The following WDR25 variants were observed in gnomAD, a reference collection of about 807,000 sequenced individuals.
The protein encoded by WDR25 is WD repeat domain 25, also known as WD repeat-containing protein 25.
Under a neutral mutation model 47.7 loss-of-function variants are expected in WDR25, and 35 were observed. The ratio of observed to expected loss-of-function variants is 0.73; its 90% confidence interval spans 0.56 to 0.97. The LOEUF is 0.97. Among genes scored for constraint, WDR25 ranks in the 50% least tolerant of loss-of-function variants. WDR25 has a pLI of 0.00. For synonymous variants in WDR25, 248 were observed against 278.9 expected (o/e 0.89, Z 1.10); for missense variants, 634 against 704.7 (o/e 0.90, Z 1.14).
At chr14:100,389,053 C>T (rs748063231) in intron 2 of WDR25, among the ~76,000 whole-genome samples, 23 of 152,204 alleles carry the variant, frequency 1.5e-4, no homozygotes, top group Admixed American at 1.0e-3. Context: ...TTTTAAAACT[C>T]GGAGACAGTA....
At chr14:100,376,803 A>T in intron 1 of WDR25, 1 of 1,158,726 alleles carries the variant, frequency 8.6e-7, no homozygotes, top group Non-Finnish European at 1.1e-6. Flanking sequence ...ATAGGGCTTG[A>T]CAAAGAGTAC....
chr14:100,423,422 A>G (rs1487739530), intron 2 of WDR25, among the ~76,000 whole-genome samples: 2 of 152,152 alleles, frequency 1.3e-5, no homozygotes, highest in African/African-American at 4.8e-5. Flanking sequence ...AATTAGTCAG[A>G]CACACCTTAT....
Position 100,454,138 on chromosome 14 carries a change from G to A in WDR25, c.823-13883G>A, listed in dbSNP as rs893582695. On this transcript the variant is annotated intron_variant, in intron 2 of 6. Transcript: ENST00000402312. Reference sequence around the variant, plus strand: ...TCAGCTTGGGTACCCTGCCCTTAGAGATGCAAATGAAATTGGCTCAAACTC... The same window carrying A: ...TCAGCTTGGGTACCCTGCCCTTAGAAATGCAAATGAAATTGGCTCAAACTC... Among the ~76,000 whole-genome samples the A allele has an allele frequency of 2.0e-5, 3 of 152,196 alleles. No individual in the cohort carries two copies. The South Asian group carries it at 6.2e-4, about 32-fold the overall frequency.
intron 2 of WDR25, among the ~76,000 whole-genome samples, chr14:100,386,364 G>A (rs753324779): frequency 1.3e-5 from 2 of 152,214 alleles, no homozygotes; most frequent in African/African-American, 2.4e-5. Flanking sequence ...AGTATGTGCA[G>A]TTTTGAATTC....
At chr14:100,441,363 C>T (rs1420352292) in intron 2 of WDR25, among the ~76,000 whole-genome samples, 1 of 152,068 alleles carries the variant, frequency 6.6e-6, no homozygotes, top group African/African-American at 2.4e-5. Flanking sequence ...ACTGGGCCAC[C>T]CTCACTGCCT....
At chr14:100,458,652 A>G (rs1899281520) in intron 2 of WDR25, among the ~76,000 whole-genome samples, 1 of 152,180 alleles carries the variant, frequency 6.6e-6, no homozygotes, top group South Asian at 2.1e-4. Context: ...GAGAGACCAT[A>G]TAAAACAAGT....
intron 2 of WDR25, among the ~76,000 whole-genome samples, chr14:100,402,483 G>A (rs1477788736): frequency 6.6e-6 from 1 of 152,190 alleles, no homozygotes; most frequent in African/African-American, 2.4e-5. Flanking sequence ...AACAAGACAG[G>A]TGGGACATGG....
chr14:100,485,320 A>G (rs1900347676), intron 4 of WDR25, among the ~76,000 whole-genome samples: 1 of 151,986 alleles, frequency 6.6e-6, no homozygotes, highest in African/African-American at 2.4e-5. Context: ...CATATTATGG[A>G]TTTTATGTGT....
At chr14:100,416,284 G>T (rs992383308) in intron 2 of WDR25, among the ~76,000 whole-genome samples, 3 of 152,144 alleles carry the variant, frequency 2.0e-5, no homozygotes, top group Admixed American at 1.3e-4. Flanking sequence ...CCTGGTAATC[G>T]TAGATGCCCA....
chr14:100,497,440 G>C (rs1464343569), intron 4 of WDR25, among the ~76,000 whole-genome samples: 1 of 151,836 alleles, frequency 6.6e-6, no homozygotes. Flanking sequence ...CCTCCTCTCA[G>C]GTCAAAGCTG....
chr14:100,412,034 C>T (rs536853973), intron 2 of WDR25, among the ~76,000 whole-genome samples: 37 of 151,892 alleles, frequency 2.4e-4, no homozygotes, highest in Non-Finnish European at 4.0e-4. Flanking sequence ...GGTGAAACCC[C>T]ATCTCTACAA....
intron 2 of WDR25, among the ~76,000 whole-genome samples, chr14:100,421,074 G>A (rs1026906482): frequency 2.0e-5 from 3 of 152,128 alleles, no homozygotes; most frequent in African/African-American, 4.8e-5. Flanking sequence ...CATGTCCCTC[G>A]TCTGCAACTG....
Position 100,390,939 on chromosome 14 carries a change from A to G in WDR25, c.822+9193A>G, listed in dbSNP as rs142802986. 2.4e-3 allele frequency among the ~76,000 whole-genome samples: 358 copies of G among 152,330 alleles called. 2 individuals carry two copies. Among genetic ancestry groups the G allele is most frequent in the African/African-American group, 8.3e-3 (347 of 41,570 alleles). The stretch of plus-strand genomic sequence containing the variant: ...TACAGCTCTTTTAGAACGGGCCGGC[A>G]CTTCGTTCATTCTAAACAAGCATTT... On this transcript the variant is annotated intron_variant, in intron 2 of 6. Coordinates refer to ENST00000402312, the MANE Select transcript of WDR25 (RefSeq NM_001161476.3).
At chr14:100,470,385 C>T (rs778759426) in intron 3 of WDR25, among the ~76,000 whole-genome samples, 6 of 152,186 alleles carry the variant, frequency 3.9e-5, no homozygotes, top group East Asian at 1.9e-4. Context: ...CACACACCGT[C>T]GGATTACTCA....
chr14:100,485,170 AGTAGAG>A (rs1900341307), intron 4 of WDR25, among the ~76,000 whole-genome samples: 1 of 151,198 alleles, frequency 6.6e-6, no homozygotes, highest in African/African-American at 2.4e-5. Flanking sequence ...CTGTTTCCTA[AGTAGAG>A]GCTTGCTGCC....
At chr14:100,495,568 G>T (rs557469902) in intron 4 of WDR25, among the ~76,000 whole-genome samples, 42 of 152,282 alleles carry the variant, frequency 2.8e-4, no homozygotes, top group African/African-American at 1.0e-3. Context: ...CTAGCAATTT[G>T]TCAATTATAA....
rs184977508 is a variant in WDR25 at position 100,413,346 on chromosome 14, C to T, written c.822+31600C>T. Among the ~76,000 whole-genome samples, 7 of 152,246 alleles carry T rather than the reference C, an allele frequency of 4.6e-5. No individual in the cohort carries two copies. The East Asian group carries it at 1.4e-3, about 29-fold the overall frequency. On this transcript the variant is annotated intron_variant, in intron 2 of 6. Transcript: ENST00000402312. ...TGTTAGTTCCACCCCCAACCTCAGC[C>T]CCAGGCAGCCACAGATCTGCTTCTC...
chr14:100,488,937 C>A lies in WDR25; in HGVS notation c.1101+4813C>A. On this transcript the variant is annotated intron_variant, in intron 4 of 6. Transcript: ENST00000402312. This position sits in a 1 kb window ranked among gnomAD's most constrained non-coding sequence, Gnocchi z 4.2. ...ATCCCCGACAGGGCCTGGACCAGAGCAGGTGTTCAGGATAACCTGGAGTGA... is the reference window on the plus strand; with the variant it reads ...ATCCCCGACAGGGCCTGGACCAGAGAAGGTGTTCAGGATAACCTGGAGTGA... 6.6e-6 allele frequency among the ~76,000 whole-genome samples: 1 copy of A among 152,202 alleles called. No individual in the cohort carries two copies. The highest frequency in any genetic ancestry group is 1.9e-4 in the East Asian group (1 of 5,196).
Position 100,404,004 on chromosome 14 carries a change from C to T in WDR25, c.822+22258C>T, listed in dbSNP as rs1025494070. On this transcript the variant is annotated intron_variant, in intron 2 of 6. Coordinates refer to ENST00000402312, the MANE Select transcript of WDR25 (RefSeq NM_001161476.3). The surrounding 1 kb of genome is among the most constrained non-coding windows in gnomAD (Gnocchi z 4.6). Reference sequence around the variant, plus strand: ...ATGAAGTGCCTTGAGTAGAATGAGGCAATGTTGGTGTGGACTTTATCATGG... The same window carrying T: ...ATGAAGTGCCTTGAGTAGAATGAGGTAATGTTGGTGTGGACTTTATCATGG... Among the ~76,000 whole-genome samples, 10 of 152,216 alleles carry T rather than the reference C, an allele frequency of 6.6e-5. No homozygotes were observed. Among genetic ancestry groups the T allele is most frequent in the Non-Finnish European group, 1.5e-5 (1 of 68,048 alleles).
Sources: gnomAD v4.1 joint callset for allele counts (sites outside exome capture counted in the v4.1 genomes callset) on GRCh38, gnomAD v4.1.1 for gene constraint, Gnocchi (gnomAD v3.1) non-coding constraint, MANE v1.5 for transcripts, NCBI Gene and HGNC (gene_info 2026-07-23, HGNC 2026-07-21) for gene names.